Variants in USP47 observed in about 807,000 individuals in gnomAD.
USP47 encodes the protein ubiquitin specific peptidase 47.
A neutral mutation model predicts 165.1 loss-of-function variants in USP47; 35 were observed. The observed-to-expected ratio is 0.21, with a 90% CI of 0.16 to 0.28. The LOEUF (loss-of-function observed/expected upper bound fraction) is 0.28. USP47 is among the 10% of genes least tolerant of loss of function. USP47 has a pLI of 1.00. For synonymous variants in USP47, 531 were observed against 544.5 expected (o/e 0.98, Z 0.35); for missense variants, 1,277 against 1,607.4 (o/e 0.79, Z 3.52).
intron 14 of USP47, among the ~76,000 whole-genome samples, chr11:11,931,935 C>A (rs1448293119): frequency 2.0e-5 from 3 of 152,092 alleles, no homozygotes; most frequent in Non-Finnish European, 2.9e-5. Flanking sequence ...ATTCTTTTAA[C>A]TAATTGTTTA....
At chr11:11,903,416 G>T in intron 7 of USP47, 74 bp downstream of exon 7, 1 of 1,421,102 alleles carries the variant, frequency 7.0e-7, no homozygotes, top group Non-Finnish European at 9.8e-7. Context: ...CTTTTATTCT[G>T]TTGGAATGTT....
chr11:11,960,584 ACCTCT>A lies in USP47; in HGVS notation c.*4414_*4418del, dbSNP rs1200471912. ...GTTTCAGCCAAGGGAATAAAATCTA[ACCTCT>A]CCTCCCTCAACGGAGTGTCAGGGAG... On this transcript the variant is annotated 3_prime_UTR_variant, in exon 28 of 28. Transcript: ENST00000527733. Among the ~76,000 whole-genome samples the A allele has an allele frequency of 6.6e-6, 1 of 151,986 alleles. No individual in the cohort carries two copies. The highest frequency in any genetic ancestry group is 2.4e-5 in the African/African-American group (1 of 41,364).
intron 1 of USP47, among the ~76,000 whole-genome samples, chr11:11,868,512 T>A (rs1046182280): frequency 2.6e-5 from 4 of 152,216 alleles, no homozygotes; most frequent in Non-Finnish European, 4.4e-5. Context: ...ATGATATGGA[T>A]GTACTATAAT....
chr11:11,901,472 A>AT (rs372609880), intron 5 of USP47, among the ~76,000 whole-genome samples: 4 of 152,084 alleles, frequency 2.6e-5, no homozygotes, highest in African/African-American at 9.7e-5. Flanking sequence ...CCTCAATCTT[A>AT]TTTCTTTCCA....
intron 8 of USP47, among the ~76,000 whole-genome samples, chr11:11,915,211 A>C (rs932157701): frequency 3.3e-5 from 5 of 152,230 alleles, no homozygotes; most frequent in Admixed American, 6.5e-5. Flanking sequence ...AATTATTCCG[A>C]GTGAAAAAAG....
At chr11:11,907,472 G>A (rs1465027536) in intron 8 of USP47, among the ~76,000 whole-genome samples, 2 of 152,184 alleles carry the variant, frequency 1.3e-5, no homozygotes, top group Non-Finnish European at 2.9e-5. Context: ...GAGAACTTTA[G>A]TTAGAGGTAA....
At chr11:11,888,650 T>C (rs143516421) in intron 3 of USP47, among the ~76,000 whole-genome samples, 2,483 of 152,282 alleles carry the variant, frequency 0.016, 63 homozygotes, top group African/African-American at 0.057. Flanking sequence ...CCATTTCTAC[T>C]GAAACTATTC....
chr11:11,945,074 A>C (rs995870051), intron 20 of USP47, among the ~76,000 whole-genome samples: 1 of 152,220 alleles, frequency 6.6e-6, no homozygotes, highest in Non-Finnish European at 1.5e-5. Context: ...GGTGAAGAAG[A>C]GAAACCATTC....
Position 11,902,697 on chromosome 11 carries a change from A to G in USP47, c.594-18A>G. The G allele has an allele frequency of 1.4e-6, 2 of 1,452,962 alleles. No homozygotes were observed. The highest frequency in any genetic ancestry group is 1.8e-6 in the Non-Finnish European group (2 of 1,091,130). The allele number at this position is 1,452,962 out of a possible 1,614,324, so 90.0% of individuals were successfully genotyped here. On this transcript the variant is annotated intron_variant, in intron 5 of 27. Coordinates refer to ENST00000527733, the MANE Select transcript of USP47 (RefSeq NM_001282659.2). ...AAAATCATTTTATAAATACTTTATT[A>G]ACATTTTATTTTAATAGGTGGGAAT...
Position 11,943,112 on chromosome 11 carries a change from T to C in USP47, c.3091T>C (p.Trp1031Arg). The change falls in exon 20 of 28, where the codon TGG becomes CGG. Residue 1031 changes from tryptophan to arginine, a missense_variant and splice_region_variant. Trp to Arg is a moderately radical substitution (Grantham distance 101). Coordinates refer to ENST00000527733, the MANE Select transcript of USP47 (RefSeq NM_001282659.2). ...ADEGSGEGHK[W>R]LMVHVDKRIT... The stretch of plus-strand genomic sequence containing the variant: ...TGAAGGTTCTGGGGAAGGACATAAA[T>C]GTATGTACTTCAAAAGAAAAACGGT... 6.3e-7 allele frequency: 1 copy of C among 1,590,022 alleles called. No homozygotes were observed. Among genetic ancestry groups the C allele is most frequent in the Non-Finnish European group, 8.5e-7 (1 of 1,170,884 alleles).
intron 20 of USP47, among the ~76,000 whole-genome samples, chr11:11,947,336 C>T (rs574015581): frequency 1.3e-5 from 2 of 152,198 alleles, no homozygotes. Flanking sequence ...CTGTTAATTA[C>T]AGCCCAACCA....
chr11:11,954,395 G>T (rs11022094), intron 25 of USP47, among the ~76,000 whole-genome samples: 5,900 of 152,042 alleles, frequency 0.039, 275 homozygotes, highest in East Asian at 0.22. Flanking sequence ...TCAGCCTCCC[G>T]AGTAGCTGGG....
intron 3 of USP47, among the ~76,000 whole-genome samples, chr11:11,885,176 GA>G (rs1012464068): frequency 6.6e-6 from 1 of 152,022 alleles, no homozygotes; most frequent in African/African-American, 2.4e-5. Context: ...TTCCACCAGA[GA>G]TTTTTTTTTT....
chr11:11,857,707 C>T (rs765938113), intron 1 of USP47, among the ~76,000 whole-genome samples: 14 of 152,220 alleles, frequency 9.2e-5, no homozygotes, highest in Non-Finnish European at 1.9e-4. Context: ...CCGGAGGCTA[C>T]TCCCTTTGCA....
intron 1 of USP47, among the ~76,000 whole-genome samples, chr11:11,869,579 G>A (rs1849900922): frequency 6.6e-6 from 1 of 151,972 alleles, no homozygotes; most frequent in Non-Finnish European, 1.5e-5. Context: ...TAGTTATTCT[G>A]ATTCCTTTGC....
Position 11,942,957 on chromosome 11 carries a change from A to T in USP47, c.2936A>T (p.Asn979Ile). 6.2e-7 allele frequency: 1 copy of T among 1,613,602 alleles called. No homozygotes were observed. Residue 979 changes from asparagine to isoleucine, a missense_variant, in exon 20 of 28, where the codon AAT (asparagine) becomes ATT (isoleucine). By Grantham distance (149) the Asn-to-Ile change is moderately radical (BLOSUM62 -3). Transcript: ENST00000527733. ...SITSSRRTKA[N>I]EGKKETWDTA... ...ACAAGTAGTAGAAGAACGAAAGCAA[A>T]TGAAGGGAAAAAAGAAACATGGGAT...
At position 11,952,800 on chromosome 11, in the gene USP47, T is replaced by A; in HGVS notation, c.3643T>A (p.Ser1215Thr). Reference protein sequence around the residue: ...LAVLSRRWKPSEMKLDPFQEV... With the variant: ...LAVLSRRWKPTEMKLDPFQEV... ...AGTTTTGTCAAGACGGTGGAAGCCT[T>A]CAGAGATGAAGTTGGATCCCTTCCA... Residue 1215 changes from serine (S) to threonine (T), a missense_variant, in exon 25 of 28, where the codon TCA becomes ACA. Physicochemically the swap from Ser to Thr is moderately conservative, Grantham distance 58. This residue lies in a region of USP47 where 909 missense variants were observed against 1,068.1 expected (regional missense o/e 0.85). Transcript: ENST00000527733. The A allele has an allele frequency of 3.7e-6, 6 of 1,613,294 alleles. No homozygotes were observed. The highest frequency in any genetic ancestry group is 4.2e-6 in the Non-Finnish European group (5 of 1,179,528).
At chr11:11,890,532 TCAAAAAA>T (rs1289221713) in intron 3 of USP47, among the ~76,000 whole-genome samples, 1 of 152,030 alleles carries the variant, frequency 6.6e-6, no homozygotes, top group Non-Finnish European at 1.5e-5. Context: ...TATTAAAAAG[TCAAAAAA>T]CAAAAGATGC....
At chr11:11,928,263 A>G (rs971778303) in intron 11 of USP47, among the ~76,000 whole-genome samples, 2 of 152,066 alleles carry the variant, frequency 1.3e-5, no homozygotes, top group African/African-American at 4.8e-5. Context: ...ACATTTCATA[A>G]GTTGTTCAAT....
Sources: gnomAD v4.1 joint callset for allele counts (sites outside exome capture counted in the v4.1 genomes callset) on GRCh38, gnomAD v4.1.1 for gene constraint, gnomAD v4.1.1 regional missense constraint, MANE v1.5 for transcripts, NCBI Gene and HGNC (gene_info 2026-07-23, HGNC 2026-07-21) for gene names.